SLX4IP: variants seen among roughly 807,000 people sequenced by gnomAD.
The protein encoded by SLX4IP is protein SLX4IP.
A neutral mutation model predicts 32.9 loss-of-function variants in SLX4IP; 34 were observed. That is an observed-to-expected ratio of 1.03 (90% CI 0.79 to 1.38). SLX4IP has a LOEUF of 1.38. Among genes scored for constraint, SLX4IP ranks in the 40% most tolerant of loss-of-function variants. The probability of loss-of-function intolerance (pLI) is 0.00; values close to 1 mark genes in which losing one functional copy is unlikely to be tolerated. For missense variants in SLX4IP, 444 were observed against 479.0 expected (o/e 0.93, Z 0.68); for synonymous variants, 172 against 171.7 (o/e 1.00, Z -0.01).
chr20:10,457,612 G>C (rs1186624254), intron 1 of SLX4IP, among the ~76,000 whole-genome samples: 1 of 151,844 alleles, frequency 6.6e-6, no homozygotes, highest in Non-Finnish European at 1.5e-5. Flanking sequence ...TGATTTTCTA[G>C]TATTTTGTTG....
intron 4 of SLX4IP, among the ~76,000 whole-genome samples, chr20:10,565,342 T>C (rs917718227): frequency 1.3e-5 from 2 of 152,142 alleles, no homozygotes; most frequent in Non-Finnish European, 1.5e-5. Flanking sequence ...CGGGGAGTGC[T>C]GGAGAGCCCT....
chr20:10,621,391 C>G lies in SLX4IP; in HGVS notation c.483C>G (p.Leu161=), dbSNP rs148003716. The part of the protein sequence containing the change: ...AESSLPPSAK[L]RRNALKEIVK... ...GTTCACTTCCTCCCAGTGCAAAGCT[C>G]CGGAGAAATGCTCTGAAAGAAATGT... Residue 161 remains leucine, a synonymous_variant, in exon 7 of 8, where the codon CTC becomes CTG. Transcript: ENST00000334534. 2.2e-4 allele frequency: 353 copies of G among 1,614,036 alleles called. No homozygotes were observed. The highest frequency in any genetic ancestry group is 2.9e-4 in the Non-Finnish European group (346 of 1,180,020).
chr20:10,616,209 A>G (rs1032643783), intron 6 of SLX4IP, among the ~76,000 whole-genome samples: 1 of 151,974 alleles, frequency 6.6e-6, no homozygotes, highest in Non-Finnish European at 1.5e-5. Flanking sequence ...TGGGTCTCCC[A>G]TCAAATTATA....
intron 1 of SLX4IP, among the ~76,000 whole-genome samples, chr20:10,440,949 C>T (rs1008403132): frequency 6.6e-6 from 1 of 152,120 alleles, no homozygotes; most frequent in African/African-American, 2.4e-5. Flanking sequence ...GTAATCCTTA[C>T]AGGAGCCATG....
chr20:10,485,960 CAG>C (rs759926387), intron 2 of SLX4IP, among the ~76,000 whole-genome samples: 75 of 151,938 alleles, frequency 4.9e-4, no homozygotes, highest in Non-Finnish European at 7.9e-4. Flanking sequence ...CTTGCTGTCT[CAG>C]GGGTGGTGGA....
At chr20:10,453,437 T>G (rs1435566453) in intron 1 of SLX4IP, among the ~76,000 whole-genome samples, 1 of 152,080 alleles carries the variant, frequency 6.6e-6, no homozygotes, top group Non-Finnish European at 1.5e-5. Context: ...TTTCACCAGA[T>G]CCTCAGCTTT....
intron 2 of SLX4IP, among the ~76,000 whole-genome samples, chr20:10,505,559 C>T (rs1037403960): frequency 1.7e-4 from 26 of 152,156 alleles, no homozygotes; most frequent in African/African-American, 5.8e-4. Flanking sequence ...GCTGAAGGAA[C>T]GCCTCTCATC....
In SLX4IP at chr20:10,598,806, A is replaced by G. The variant is rs1322003244; in HGVS notation, c.316+54A>G. ...ACATTTCACACAATCTGCTTGCCCT[A>G]GATAGAGAAGGGATGAAAATTAAGG... On this transcript the variant is annotated intron_variant, in intron 5 of 7. Coordinates refer to ENST00000334534, the MANE Select transcript of SLX4IP (RefSeq NM_001009608.3). The G allele has an allele frequency of 3.9e-6, 6 of 1,547,244 alleles. No homozygotes were observed. The East Asian group carries it at 1.1e-4, about 29-fold the overall frequency.
Position 10,621,355 on chromosome 20 carries a change from G to A in SLX4IP, c.447G>A (p.Glu149=), listed in dbSNP as rs372890560. Residue 149 remains glutamate, a synonymous_variant, in exon 7 of 8, where the codon GAG becomes GAA. Coordinates refer to ENST00000334534, the MANE Select transcript of SLX4IP (RefSeq NM_001009608.3). ...VLHGVSDYFA[E]CAESSLPPSA... Reference sequence around the variant, plus strand: ...ATGGAGTGTCTGATTACTTTGCTGAGTGTGCAGAGAGTTCACTTCCTCCCA... The same window carrying A: ...ATGGAGTGTCTGATTACTTTGCTGAATGTGCAGAGAGTTCACTTCCTCCCA... The A allele has an allele frequency of 1.1e-5, 18 of 1,614,100 alleles. No individual in the cohort carries two copies. In the African/African-American group the frequency reaches 2.3e-4, roughly 20 times the overall value.
At chr20:10,541,151 C>G (rs2066101551) in intron 2 of SLX4IP, among the ~76,000 whole-genome samples, 1 of 152,176 alleles carries the variant, frequency 6.6e-6, no homozygotes, top group African/African-American at 2.4e-5. Context: ...CTTTACTTGT[C>G]AGTAACAGTT....
chr20:10,544,249 G>A (rs12106093), intron 2 of SLX4IP, among the ~76,000 whole-genome samples: 13,534 of 152,130 alleles, frequency 0.089, 783 homozygotes, highest in African/African-American at 0.17. Flanking sequence ...CCTTCATCCA[G>A]CAGGTAGATC....
At chr20:10,497,545 A>C (rs1025662147) in intron 2 of SLX4IP, among the ~76,000 whole-genome samples, 1 of 151,850 alleles carries the variant, frequency 6.6e-6, no homozygotes, top group African/African-American at 2.4e-5. Context: ...CTTTTTTCGG[A>C]AACTTTATTT....
At chr20:10,506,379 C>A (rs535452471) in intron 2 of SLX4IP, among the ~76,000 whole-genome samples, 23 of 152,274 alleles carry the variant, frequency 1.5e-4, no homozygotes, top group African/African-American at 5.5e-4. Context: ...TATTGAAAAA[C>A]CCACATTGGA....
intron 2 of SLX4IP, among the ~76,000 whole-genome samples, chr20:10,555,816 A>G (rs906310719): frequency 1.3e-5 from 2 of 152,172 alleles, no homozygotes; most frequent in Admixed American, 6.5e-5. Context: ...GCAGTATCTT[A>G]TATCTGTTAT....
intron 2 of SLX4IP, among the ~76,000 whole-genome samples, chr20:10,544,327 G>A (rs2066139746): frequency 6.6e-6 from 1 of 152,096 alleles, no homozygotes; most frequent in Non-Finnish European, 1.5e-5. Flanking sequence ...AAGATGCTCA[G>A]CAAGGCACTG....
chr20:10,534,955 G>A (rs750679547), intron 2 of SLX4IP, among the ~76,000 whole-genome samples: 1 of 152,182 alleles, frequency 6.6e-6, no homozygotes, highest in Non-Finnish European at 1.5e-5. Flanking sequence ...ACCGGGATAT[G>A]GTCAACCTCT....
At chr20:10,470,462 T>A (rs961370315) in intron 2 of SLX4IP, among the ~76,000 whole-genome samples, 1 of 152,240 alleles carries the variant, frequency 6.6e-6, no homozygotes, top group Non-Finnish European at 1.5e-5. Flanking sequence ...TATCCATGAT[T>A]AAGTAATACA....
intron 2 of SLX4IP, among the ~76,000 whole-genome samples, chr20:10,478,192 C>T (rs373562956): frequency 1.8e-4 from 28 of 152,318 alleles, no homozygotes; most frequent in African/African-American, 5.8e-4. Context: ...AGCCACCGCG[C>T]CCGGCCAAGC....
chr20:10,614,020 A>G, intron 6 of SLX4IP: 1 of 1,360,972 alleles, frequency 7.3e-7, no homozygotes, highest in Non-Finnish European at 1.0e-6. Context: ...CCGAGAATGG[A>G]ATAGACTTTT....
Sources: gnomAD v4.1 joint callset for allele counts (sites outside exome capture counted in the v4.1 genomes callset) on GRCh38, gnomAD v4.1.1 for gene constraint, MANE v1.5 for transcripts, NCBI Gene and HGNC (gene_info 2026-07-23, HGNC 2026-07-21) for gene names.